The following RPGRIP1 variants were observed in gnomAD, a reference collection of about 807,000 sequenced individuals.
RPGRIP1 encodes the protein X-linked retinitis pigmentosa GTPase regulator-interacting protein 1.
Under a neutral mutation model 157.9 loss-of-function variants are expected in RPGRIP1, and 128 were observed. The observed-to-expected ratio is 0.81, with a 90% CI of 0.70 to 0.94. RPGRIP1 has a LOEUF of 0.94. Among genes scored for constraint, RPGRIP1 ranks in the 40% least tolerant of loss-of-function variants. The pLI, the probability that RPGRIP1 is intolerant of heterozygous loss-of-function variation, is 0.00. For synonymous variants in RPGRIP1, 554 were observed against 571.6 expected, an observed-to-expected ratio of 0.97 and a Z score of 0.44; for missense variants, 1,486 against 1,545.8, an observed-to-expected ratio of 0.96 and a Z score of 0.65.
intron 8 of RPGRIP1, 137 bp from the exon 9 acceptor site, chr14:21,311,687 C>A: frequency 1.8e-6 from 1 of 563,116 alleles, no homozygotes; most frequent in Non-Finnish European, 2.9e-6. Flanking sequence ...GGTTAACGAA[C>A]AGTACAAAGG....
intron 1 of RPGRIP1, among the ~76,000 whole-genome samples, chr14:21,286,800 T>C (rs1468192332): frequency 6.6e-6 from 1 of 151,452 alleles, no homozygotes; most frequent in East Asian, 1.9e-4. Context: ...GAAAACAAAA[T>C]TGTACAAATC....
At chr14:21,307,607 A>G in intron 6 of RPGRIP1, 124 bp from the exon 7 acceptor site, 1 of 646,892 alleles carries the variant, frequency 1.5e-6, no homozygotes, top group East Asian at 2.8e-5. Context: ...CTTGTGTTCT[A>G]GTGTGGGTAA....
At chr14:21,299,246 C>G (rs1217332588) in intron 3 of RPGRIP1, among the ~76,000 whole-genome samples, 1 of 152,066 alleles carries the variant, frequency 6.6e-6, no homozygotes, top group Non-Finnish European at 1.5e-5. Flanking sequence ...AGGTGATCCG[C>G]CCACCTCAGC....
chr14:21,347,326 T>G (rs941529900), intron 23 of RPGRIP1, among the ~76,000 whole-genome samples: 1 of 152,254 alleles, frequency 6.6e-6, no homozygotes, highest in Non-Finnish European at 1.5e-5. Flanking sequence ...ATAGTTTACA[T>G]AAAGCACTTG....
intron 3 of RPGRIP1, among the ~76,000 whole-genome samples, chr14:21,299,188 G>C (rs1180462260): frequency 6.6e-6 from 1 of 152,014 alleles, no homozygotes; most frequent in Admixed American, 6.6e-5. Flanking sequence ...GCTAATTACA[G>C]ACAGGGTTTC....
chr14:21,316,268 C>T (rs751950799), intron 10 of RPGRIP1, among the ~76,000 whole-genome samples: 5 of 151,840 alleles, frequency 3.3e-5, no homozygotes, highest in Admixed American at 6.6e-5. Context: ...TGAGCCACCG[C>T]GCCCAGCCAA....
At chr14:21,315,514 AAAAAAAC>A (rs1041393903) in intron 10 of RPGRIP1, among the ~76,000 whole-genome samples, 10 of 130,878 alleles carry the variant, frequency 7.6e-5, no homozygotes, top group Non-Finnish European at 1.1e-4. Flanking sequence ...CTCAAAAAAA[AAAAAAAC>A]AAAAAACTTA....
intron 11 of RPGRIP1, 107 bp from the exon 12 acceptor site, chr14:21,319,910 A>G (rs748764425): frequency 1.8e-5 from 19 of 1,065,712 alleles, no homozygotes; most frequent in Middle Eastern, 2.1e-4. Context: ...TCAAATTTAT[A>G]ACATTAATTA....
chr14:21,338,695 C>T lies in RPGRIP1; in HGVS notation c.3339+3990C>T, dbSNP rs573540233. ...TGACAATTGTCAGTTCTGTATAGTC[C>T]AACCTAATATGAATGAATAAAACAT... On this transcript the variant is annotated intron_variant, in intron 21 of 24. Transcript: ENST00000400017. 8.5e-5 allele frequency among the ~76,000 whole-genome samples: 13 copies of T among 152,244 alleles called. No homozygotes were observed. The South Asian group carries it at 2.7e-3, about 32-fold the overall frequency.
At chr14:21,309,493 G>C (rs932395448) in intron 7 of RPGRIP1, among the ~76,000 whole-genome samples, 1 of 152,014 alleles carries the variant, frequency 6.6e-6, no homozygotes, top group Admixed American at 6.6e-5. Context: ...GCACCTCAGC[G>C]TGAGACTTTG....
At chr14:21,280,537 C>T (rs935154383) in intron 1 of RPGRIP1, among the ~76,000 whole-genome samples, 7 of 152,174 alleles carry the variant, frequency 4.6e-5, no homozygotes, top group East Asian at 1.9e-4. Flanking sequence ...TGAGCCACCG[C>T]GCCTGGCCTG....
chr14:21,340,077 A>G (rs1445034686), intron 21 of RPGRIP1, among the ~76,000 whole-genome samples: 2 of 152,206 alleles, frequency 1.3e-5, no homozygotes, highest in African/African-American at 4.8e-5. Flanking sequence ...AGAGCTACCC[A>G]TGTACTGGGT....
rs77206434 is a variant in RPGRIP1 at position 21,321,764 on chromosome 14, A to T, written c.1612-90A>T. On this transcript the variant is annotated intron_variant, in intron 13 of 24. Transcript: ENST00000400017. ...GTGAACCTGCCCAGCTAAGGATAGC[A>T]GTCTTCTTGACCTAGCCAGTGCCAC... The T allele has an allele frequency of 5.5e-3, 6,912 of 1,253,080 alleles. 311 individuals carry two copies. In the African/African-American group the frequency reaches 0.091, roughly 17 times the overall value. 77.6% of individuals were successfully genotyped at this position (1,253,080 alleles called of 1,614,324 possible).
chr14:21,327,811 A>G lies in RPGRIP1; in HGVS notation c.2895+4A>G. ...AAAGGCTTCATTTCCTTCCCAGGTAACTCTCCAGGACTCCACAGGTAGCAG... is the reference window on the plus strand; with the variant it reads ...AAAGGCTTCATTTCCTTCCCAGGTAGCTCTCCAGGACTCCACAGGTAGCAG... On this transcript the variant is annotated splice_donor_region_variant and intron_variant, in intron 18 of 24. Coordinates refer to ENST00000400017, the MANE Select transcript of RPGRIP1 (RefSeq NM_020366.4). 6.4e-7 allele frequency: 1 copy of G among 1,570,876 alleles called. No individual in the cohort carries two copies. Among genetic ancestry groups the G allele is most frequent in the South Asian group, 1.2e-5 (1 of 84,248 alleles).
Position 21,348,309 on chromosome 14 carries a change from C to A in RPGRIP1, c.3748+7C>A. 3.2e-6 allele frequency: 5 copies of A among 1,543,506 alleles called. No individual in the cohort carries two copies. The South Asian group carries it at 3.8e-5, about 12-fold the overall frequency. ...CTAGAGCAAGAGCTAGACAGTGAGT[C>A]ATTTTTTTTTCAGTTCTAATTATTT... On this transcript the variant is annotated splice_region_variant and intron_variant, in intron 24 of 24. Coordinates refer to ENST00000400017, the MANE Select transcript of RPGRIP1 (RefSeq NM_020366.4).
At position 21,321,840 on chromosome 14, in the gene RPGRIP1, T is replaced by G; in HGVS notation, c.1612-14T>G. 6.2e-7 allele frequency: 1 copy of G among 1,608,594 alleles called. No individual in the cohort carries two copies. Among genetic ancestry groups the G allele is most frequent in the Non-Finnish European group, 8.5e-7 (1 of 1,177,830 alleles). On this transcript the variant is annotated splice_polypyrimidine_tract_variant and intron_variant, in intron 13 of 24. Coordinates refer to ENST00000400017, the MANE Select transcript of RPGRIP1 (RefSeq NM_020366.4). ...CCACTGAGATAGAAAAGTTCAGACA[T>G]TATTTTGTTTCAGGAGGAACTGGAG... is the stretch of plus-strand genomic sequence containing the variant.
At chr14:21,281,602 T>C (rs1880126204) in intron 1 of RPGRIP1, among the ~76,000 whole-genome samples, 1 of 151,090 alleles carries the variant, frequency 6.6e-6, no homozygotes, top group Non-Finnish European at 1.5e-5. Context: ...GACATGAGAA[T>C]TGCTTGAACC....
intron 21 of RPGRIP1, among the ~76,000 whole-genome samples, chr14:21,335,616 G>A (rs1411476509): frequency 1.3e-5 from 2 of 152,150 alleles, no homozygotes; most frequent in African/African-American, 2.4e-5. Context: ...GGATCACGAG[G>A]TCAGGAGATC....
At chr14:21,302,831 T>C (rs17182473) in intron 5 of RPGRIP1, 7,445 of 257,438 alleles carry the variant, frequency 0.029, 446 homozygotes, top group East Asian at 0.21. Context: ...TTTACATTTA[T>C]ATTTTTTTCC....
Sources: gnomAD v4.1 joint callset for allele counts (sites outside exome capture counted in the v4.1 genomes callset) on GRCh38, gnomAD v4.1.1 for gene constraint, MANE v1.5 for transcripts, NCBI Gene and HGNC (gene_info 2026-07-23, HGNC 2026-07-21) for gene names.